Variants in NRXN3 observed in about 807,000 individuals in gnomAD.
NRXN3 encodes the protein neurexin 3.
NRXN3 carries 32 observed loss-of-function variants against 137.6 expected under a neutral mutation model. The observed-to-expected ratio is 0.23, with a 90% confidence interval of 0.18 to 0.31. The LOEUF (loss-of-function observed/expected upper bound fraction) is 0.31, where lower values mean the gene tolerates loss of function less well. Ranked by LOEUF, NRXN3 falls within the 10% of genes least tolerant of loss-of-function variation. The pLI is 1.00. For synonymous variants in NRXN3, 798 were observed against 784.5 expected (o/e 1.02, Z -0.29); for missense variants, 1,574 against 2,062.5 (o/e 0.76, Z 4.59).
intron 19 of NRXN3, among the ~76,000 whole-genome samples, chr14:79,797,920 C>T (rs887322676): frequency 6.6e-6 from 1 of 152,036 alleles, no homozygotes; most frequent in South Asian, 2.1e-4. Flanking sequence ...TGGCAAAACC[C>T]TGTCTCTACA....
chr14:79,098,837 G>GA (rs1217047473), intron 15 of NRXN3, among the ~76,000 whole-genome samples: 1 of 152,108 alleles, frequency 6.6e-6, no homozygotes, highest in African/African-American at 2.4e-5. Context: ...GGCCAAAGGG[G>GA]AAAAAAGATT....
chr14:79,523,378 A>G (rs1215628081), intron 16 of NRXN3, among the ~76,000 whole-genome samples: 1 of 152,222 alleles, frequency 6.6e-6, no homozygotes, highest in Non-Finnish European at 1.5e-5. Context: ...CCATGTTTAT[A>G]TACAAAAGAG....
chr14:79,623,372 C>T (rs970101001), intron 16 of NRXN3, among the ~76,000 whole-genome samples: 3 of 152,138 alleles, frequency 2.0e-5, no homozygotes, highest in African/African-American at 7.2e-5. Context: ...GTTTAGCTTC[C>T]ATTCTTACAA....
chr14:79,275,866 G>A (rs1049127141), intron 15 of NRXN3, among the ~76,000 whole-genome samples: 1 of 152,088 alleles, frequency 6.6e-6, no homozygotes, highest in South Asian at 2.1e-4. Flanking sequence ...TTAGGATTCC[G>A]TGGGGGGTTT....
intron 6 of NRXN3, among the ~76,000 whole-genome samples, chr14:78,660,070 C>T (rs1455081312): frequency 2.0e-5 from 3 of 151,952 alleles, no homozygotes; most frequent in African/African-American, 4.8e-5. Flanking sequence ...AACATTTAGC[C>T]AAGCGTGGCT....
chr14:79,835,098 A>G (rs574420127), intron 20 of NRXN3, among the ~76,000 whole-genome samples: 1 of 152,234 alleles, frequency 6.6e-6, no homozygotes, highest in African/African-American at 2.4e-5. Context: ...ACTAAGTTCA[A>G]GAGATCTATT....
intron 14 of NRXN3, among the ~76,000 whole-genome samples, chr14:78,968,816 C>T (rs763794934): frequency 4.4e-4 from 67 of 152,132 alleles, no homozygotes; most frequent in Admixed American, 1.1e-3. Flanking sequence ...AATAGGAAAA[C>T]GATGTCCAAA....
chr14:79,171,818 TG>T (rs2061809170), intron 15 of NRXN3, among the ~76,000 whole-genome samples: 1 of 151,000 alleles, frequency 6.6e-6, no homozygotes, highest in East Asian at 2.1e-4. Flanking sequence ...TTATTTTATT[TG>T]TTTTTTTTTT....
intron 15 of NRXN3, among the ~76,000 whole-genome samples, chr14:79,254,715 G>T (rs986358455): frequency 1.3e-5 from 2 of 152,166 alleles, no homozygotes; most frequent in African/African-American, 4.8e-5. Context: ...GCATTAAAAA[G>T]AATGTCTTGC....
intron 16 of NRXN3, among the ~76,000 whole-genome samples, chr14:79,488,578 T>C (rs2096680184): frequency 1.3e-5 from 2 of 152,158 alleles, no homozygotes. Context: ...AGAAAAACAG[T>C]AGACGGCTTA....
chr14:78,867,873 C>G (rs567935845), intron 10 of NRXN3, among the ~76,000 whole-genome samples: 19 of 151,068 alleles, frequency 1.3e-4, no homozygotes, highest in Admixed American at 1.2e-3. Flanking sequence ...CTGAAGGCTC[C>G]TGTGTATAAG....
chr14:79,134,373 GA>G (rs2057997677), intron 15 of NRXN3, among the ~76,000 whole-genome samples: 1 of 151,930 alleles, frequency 6.6e-6, no homozygotes, highest in African/African-American at 2.4e-5. Context: ...AAACTTGAAC[GA>G]AGACAAAAAA....
chr14:78,874,774 G>A (rs1281030912), intron 10 of NRXN3, among the ~76,000 whole-genome samples: 3 of 152,176 alleles, frequency 2.0e-5, no homozygotes, highest in Non-Finnish European at 4.4e-5. Context: ...GGTCAAGTCT[G>A]GGGTTCTGAA....
chr14:78,524,686 C>T (rs1168297706), intron 4 of NRXN3, among the ~76,000 whole-genome samples: 3 of 152,170 alleles, frequency 2.0e-5, no homozygotes, highest in Non-Finnish European at 2.9e-5. Context: ...GAGCCAGATA[C>T]GAATCTAACC....
intron 15 of NRXN3, among the ~76,000 whole-genome samples, chr14:79,192,206 A>G (rs1319583496): frequency 3.3e-5 from 5 of 152,176 alleles, no homozygotes; most frequent in African/African-American, 9.7e-5. Context: ...TTGCTGTATA[A>G]CTTCTCCAGG....
At chr14:78,431,253 A>C (rs17107557) in intron 4 of NRXN3, among the ~76,000 whole-genome samples, 28,510 of 152,122 alleles carry the variant, frequency 0.19, 4,835 homozygotes, top group African/African-American at 0.45. Context: ...TTATGGATTT[A>C]ATTTTCTTTA....
intron 4 of NRXN3, among the ~76,000 whole-genome samples, chr14:78,318,830 A>G (rs1462783414): frequency 6.6e-6 from 1 of 152,194 alleles, no homozygotes; most frequent in Non-Finnish European, 1.5e-5. Flanking sequence ...CCCTTCTTGA[A>G]AGGGCTGCTG....
intron 8 of NRXN3, among the ~76,000 whole-genome samples, chr14:78,741,685 A>G (rs182491998): frequency 2.0e-5 from 3 of 152,270 alleles, no homozygotes; most frequent in African/African-American, 4.8e-5. Context: ...AACACTTAAG[A>G]TATACTCTCT....
At chr14:78,543,011 T>C (rs1038732847) in intron 4 of NRXN3, among the ~76,000 whole-genome samples, 2 of 151,914 alleles carry the variant, frequency 1.3e-5, no homozygotes, top group African/African-American at 4.8e-5. Context: ...TGAGGTCACT[T>C]TAGGTGGGGT....
Sources: allele counts gnomAD v4.1 joint callset (sites outside exome capture counted in the v4.1 genomes callset), GRCh38; gene constraint gnomAD v4.1.1; transcripts MANE v1.5; gene names NCBI Gene and HGNC (gene_info 2026-07-23, HGNC 2026-07-21).